Variants in FAM178B observed in about 807,000 individuals in gnomAD.
FAM178B encodes protein FAM178B.
In FAM178B, 82 loss-of-function variants were observed where a neutral mutation model predicts 91.7. The observed-to-expected ratio is 0.89, with a 90% confidence interval of 0.75 to 1.07. The LOEUF is 1.07. FAM178B is among the 50% of genes least tolerant of loss of function. FAM178B has a pLI of 0.00. For missense variants in FAM178B, 769 were observed against 846.7 expected, an observed-to-expected ratio of 0.91 and a Z score of 1.14; for synonymous variants, 368 against 359.4, an observed-to-expected ratio of 1.02 and a Z score of -0.27.
chr2:96,976,097 CTT>C (rs757487916), intron 1 of FAM178B, among the ~76,000 whole-genome samples: 27 of 142,256 alleles, frequency 1.9e-4, no homozygotes, highest in Middle Eastern at 3.6e-3. Flanking sequence ...TAAAACAATT[CTT>C]TTTTTTTTTT....
At chr2:96,948,653 T>C (rs1234286757) in intron 7 of FAM178B, among the ~76,000 whole-genome samples, 1 of 152,208 alleles carries the variant, frequency 6.6e-6, no homozygotes, top group African/African-American at 2.4e-5. Flanking sequence ...AAAGTTTGCC[T>C]TGTGGGCACT....
intron 1 of FAM178B, among the ~76,000 whole-genome samples, chr2:96,979,769 T>TA (rs2082337976): frequency 6.6e-6 from 1 of 152,224 alleles, no homozygotes; most frequent in Non-Finnish European, 1.5e-5. Flanking sequence ...AGTGTTCCCT[T>TA]TTCTCTGCAT....
At chr2:96,928,606 A>G (rs902993509) in intron 9 of FAM178B, among the ~76,000 whole-genome samples, 2 of 152,172 alleles carry the variant, frequency 1.3e-5, no homozygotes, top group Non-Finnish European at 1.5e-5. Context: ...AGGGACTGGG[A>G]CGTGTCTGCA....
chr2:96,926,462 C>G (rs2081440092), intron 9 of FAM178B, among the ~76,000 whole-genome samples: 1 of 152,198 alleles, frequency 6.6e-6, no homozygotes, highest in African/African-American at 2.4e-5. Context: ...TGCACAGCTA[C>G]CTAAAGACCT....
intron 8 of FAM178B, among the ~76,000 whole-genome samples, chr2:96,941,881 T>C (rs2081738275): frequency 6.6e-6 from 1 of 152,234 alleles, no homozygotes; most frequent in South Asian, 2.1e-4. Flanking sequence ...CGGACAGTCA[T>C]ATACCAGCTC....
chr2:96,948,946 G>A (rs1241860852), intron 7 of FAM178B, among the ~76,000 whole-genome samples: 1 of 151,786 alleles, frequency 6.6e-6, no homozygotes, highest in Admixed American at 6.6e-5. Context: ...TCCCAAGCAC[G>A]CCCCCCCCAG....
intron 1 of FAM178B, 114 bp from the exon 2 acceptor site, chr2:96,972,720 C>T (rs1287216924): frequency 3.4e-6 from 3 of 888,634 alleles, no homozygotes; most frequent in Non-Finnish European, 5.2e-6. Context: ...GAGGGTCCGC[C>T]CTGAGGACTG....
intron 1 of FAM178B, among the ~76,000 whole-genome samples, chr2:96,972,930 G>A (rs1247872259): frequency 6.6e-6 from 1 of 151,924 alleles, no homozygotes; most frequent in East Asian, 2.0e-4. Flanking sequence ...CGATTCTCCT[G>A]CCTCAGCCTC....
At chr2:96,913,555 T>A (rs2081193693) in intron 12 of FAM178B, among the ~76,000 whole-genome samples, 1 of 152,154 alleles carries the variant, frequency 6.6e-6, no homozygotes, top group Admixed American at 6.5e-5. Flanking sequence ...CCACGGTGCA[T>A]CTGCGCCTGT....
At chr2:96,884,558 G>A (rs1199213790) in intron 14 of FAM178B, among the ~76,000 whole-genome samples, 2 of 152,242 alleles carry the variant, frequency 1.3e-5, no homozygotes, top group African/African-American at 4.8e-5. Context: ...CCCAGGCCAA[G>A]AGCCTCAGTC....
Position 96,923,540 on chromosome 2 carries a change from C to T in FAM178B, c.1237G>A (p.Asp413Asn), listed in dbSNP as rs543498769. The change falls in exon 10 of 17, where the codon GAC becomes AAC. Residue 413 changes from aspartate (D) to asparagine (N), a missense_variant. Coordinates refer to ENST00000490605, the MANE Select transcript of FAM178B (RefSeq NM_001122646.3). ...TCCAAGGCAATCTCTTGGGGAGCGT[C>T]CTGCTCCTCATTCTCATTCAGGCCA... is the stretch of plus-strand genomic sequence containing the variant. Reference protein sequence around the residue: ...EAGLNENEEQDAPQEIALDIS... With the variant: ...EAGLNENEEQNAPQEIALDIS... The T allele has an allele frequency of 3.1e-5, 48 of 1,551,696 alleles. 1 individual carries two copies. In the South Asian group the frequency reaches 5.2e-4, roughly 17 times the overall value.
rs770613818 is a variant in FAM178B at position 96,876,291 on chromosome 2, G to A, written c.2025C>T (p.Pro675=). The part of the protein sequence containing the change: ...HCQPQAQYFS[P]WKDI The stretch of plus-strand genomic sequence containing the variant: ...CCCTGTCCCTTTAGATGTCTTTCCA[G>A]GGGCTGAAATACTGGGCCTGCGGCG... The change falls in exon 17 of 17, where the codon CCC becomes CCT. Residue 675 remains proline, a synonymous_variant. Coordinates refer to ENST00000490605, the MANE Select transcript of FAM178B (RefSeq NM_001122646.3). 1 of 1,607,270 alleles carries A rather than the reference G, an allele frequency of 6.2e-7. No homozygotes were observed. The highest frequency in any genetic ancestry group is 8.5e-7 in the Non-Finnish European group (1 of 1,177,778).
chr2:96,942,424 G>A (rs566803109), intron 8 of FAM178B, among the ~76,000 whole-genome samples: 16 of 152,144 alleles, frequency 1.1e-4, no homozygotes, highest in African/African-American at 3.9e-4. Flanking sequence ...ACGGAGTCTC[G>A]CTCTGTCGCC....
intron 8 of FAM178B, among the ~76,000 whole-genome samples, chr2:96,933,071 G>A (rs1288533677): frequency 6.9e-6 from 1 of 145,686 alleles, no homozygotes; most frequent in African/African-American, 2.5e-5. Context: ...GGTGAAACCC[G>A]GTCTCTACTA....
Position 96,986,578 on chromosome 2 carries a change from T to C in FAM178B, c.-265A>G, listed in dbSNP as rs890608715. Reference sequence around the variant, plus strand: ...CCAGCTGGGGAGCTCGCCGGCCAAGTGCGCACCCTCTTCCTGTTAGCCCTC... The same window carrying C: ...CCAGCTGGGGAGCTCGCCGGCCAAGCGCGCACCCTCTTCCTGTTAGCCCTC... On this transcript the variant is annotated 5_prime_UTR_variant, in exon 1 of 17. Transcript: ENST00000490605. 8 of 478,246 alleles carry C rather than the reference T, an allele frequency of 1.7e-5. No individual in the cohort carries two copies. The highest frequency in any genetic ancestry group is 3.0e-5 in the Non-Finnish European group (8 of 264,182). The allele number at this position is 478,246 out of a possible 1,614,324, so 29.6% of individuals were successfully genotyped here. A position where few individuals can be genotyped will look rare whatever the true frequency, so the allele number is the denominator to read the frequency against.
chr2:96,947,235 A>G (rs1436560911), intron 8 of FAM178B, among the ~76,000 whole-genome samples: 2 of 152,210 alleles, frequency 1.3e-5, no homozygotes, highest in African/African-American at 2.4e-5. Context: ...GGAACTCTGA[A>G]CATCCAAAAG....
rs2080240376 is a variant in FAM178B, at chr2:96,876,318, G to A, written c.2008-10C>T. On this transcript the variant is annotated splice_polypyrimidine_tract_variant and intron_variant, in intron 16 of 16. Coordinates refer to ENST00000490605, the MANE Select transcript of FAM178B (RefSeq NM_001122646.3). The stretch of plus-strand genomic sequence containing the variant: ...GGCTGAAATACTGGGCCTGCGGCGA[G>A]GAGAAAAGCAGGCTGTGAGGGCCTG... 4 of 1,598,322 alleles carry A rather than the reference G, an allele frequency of 2.5e-6. No individual in the cohort carries two copies. The highest frequency in any genetic ancestry group is 1.8e-5 in the Admixed American group (1 of 56,940).
chr2:96,931,970 C>T (rs966604378), intron 8 of FAM178B, among the ~76,000 whole-genome samples: 5 of 151,972 alleles, frequency 3.3e-5, no homozygotes, highest in Admixed American at 3.3e-4. Flanking sequence ...CACAATGAGA[C>T]TCCACTGGAA....
intron 1 of FAM178B, among the ~76,000 whole-genome samples, chr2:96,978,295 A>G (rs962021836): frequency 6.6e-6 from 1 of 152,204 alleles, no homozygotes; most frequent in African/African-American, 2.4e-5. Context: ...TCACACACAC[A>G]TTTTTAAAAA....
Sources: allele counts gnomAD v4.1 joint callset (sites outside exome capture counted in the v4.1 genomes callset), GRCh38; gene constraint gnomAD v4.1.1; transcripts MANE v1.5; gene names NCBI Gene and HGNC (gene_info 2026-07-23, HGNC 2026-07-21).